The following FAF1 variants were observed in gnomAD, a reference collection of about 807,000 sequenced individuals.
FAF1 encodes Fas associated factor 1.
In FAF1, 25 loss-of-function variants were observed where a neutral mutation model predicts 92.5. That is an observed-to-expected ratio of 0.27 (90% CI 0.20 to 0.38). The LOEUF (loss-of-function observed/expected upper bound fraction) is 0.38, where lower values mean the gene tolerates loss of function less well. FAF1 is among the 10% of genes least tolerant of loss of function. The pLI is 1.00. For synonymous variants in FAF1, 234 were observed against 273.2 expected (o/e 0.86, Z 1.42); for missense variants, 636 against 793.3 (o/e 0.80, Z 2.38).
intron 1 of FAF1, among the ~76,000 whole-genome samples, chr1:50,952,822 C>G (rs1250896172): frequency 1.3e-5 from 2 of 152,026 alleles, no homozygotes; most frequent in African/African-American, 4.8e-5. Context: ...CGAGGAGCCC[C>G]TCCGCCCGGC....
At chr1:50,492,890 C>T (rs1387477356) in intron 15 of FAF1, among the ~76,000 whole-genome samples, 3 of 152,150 alleles carry the variant, frequency 2.0e-5, no homozygotes, top group Non-Finnish European at 4.4e-5. Context: ...AGGAACATTT[C>T]ATTGCTTCCT....
intron 1 of FAF1, among the ~76,000 whole-genome samples, chr1:50,951,819 C>A (rs1004425219): frequency 6.6e-6 from 1 of 152,182 alleles, no homozygotes; most frequent in Non-Finnish European, 1.5e-5. Context: ...CAAAAGATAT[C>A]TGTTTGGATC....
intron 7 of FAF1, among the ~76,000 whole-genome samples, chr1:50,671,662 G>T (rs1655886422): frequency 6.6e-6 from 1 of 151,864 alleles, no homozygotes; most frequent in Admixed American, 6.6e-5. Flanking sequence ...AGGTGTAATG[G>T]ATATTACAAT....
intron 8 of FAF1, chr1:50,607,038 A>G (rs1292084497): frequency 6.6e-6 from 1 of 152,226 alleles, no homozygotes; most frequent in African/African-American, 2.4e-5. Context: ...CTAAAAAGGT[A>G]TCTCTGTCTG....
chr1:50,545,939 G>A (rs1648994652), intron 13 of FAF1, among the ~76,000 whole-genome samples: 1 of 152,244 alleles, frequency 6.6e-6, no homozygotes, highest in Non-Finnish European at 1.5e-5. Flanking sequence ...AAGGTGGGGG[G>A]AGGAAATTGC....
chr1:50,664,128 G>C (rs1416364974), intron 7 of FAF1, among the ~76,000 whole-genome samples: 1 of 150,698 alleles, frequency 6.6e-6, no homozygotes, highest in Non-Finnish European at 1.5e-5. Context: ...CTCCCGAGAA[G>C]CTGGGATTAC....
intron 1 of FAF1, among the ~76,000 whole-genome samples, chr1:50,912,141 C>T (rs1011001401): frequency 5.9e-5 from 9 of 152,138 alleles, no homozygotes; most frequent in Admixed American, 5.9e-4. Context: ...AAAAATACCA[C>T]CAACTTCAAA....
intron 15 of FAF1, among the ~76,000 whole-genome samples, chr1:50,513,148 C>T (rs150401714): frequency 1.3e-5 from 2 of 152,258 alleles, no homozygotes; most frequent in African/African-American, 4.8e-5. Flanking sequence ...AAGGAAAAAT[C>T]AGCAATGACT....
chr1:50,800,686 T>C (rs376344207), intron 3 of FAF1, among the ~76,000 whole-genome samples: 1 of 152,216 alleles, frequency 6.6e-6, no homozygotes, highest in Admixed American at 6.5e-5. Flanking sequence ...CCTAAATATA[T>C]GGTTTCTTAT....
At chr1:50,952,976 A>G (rs1000571785) in intron 1 of FAF1, among the ~76,000 whole-genome samples, 3 of 152,264 alleles carry the variant, frequency 2.0e-5, no homozygotes, top group African/African-American at 4.8e-5. Context: ...GGGAAAAGAA[A>G]GAGAGATGGG....
intron 18 of FAF1, among the ~76,000 whole-genome samples, chr1:50,461,893 GAAA>G (rs1024580848): frequency 8.1e-6 from 1 of 123,522 alleles, no homozygotes; most frequent in Non-Finnish European, 1.7e-5. Flanking sequence ...AAAAAAAAAA[GAAA>G]AAAAAAAGAG....
intron 15 of FAF1, among the ~76,000 whole-genome samples, chr1:50,528,967 C>T (rs542367153): frequency 7.9e-5 from 12 of 152,182 alleles, no homozygotes; most frequent in South Asian, 4.2e-4. Context: ...TTTATTAATG[C>T]GCTATATAAT....
At position 50,664,183 on chromosome 1, in the gene FAF1, A is replaced by G. The variant is rs535401785; in HGVS notation, c.658-8655T>C. 2.7e-5 allele frequency among the ~76,000 whole-genome samples: 4 copies of G among 150,430 alleles called. No homozygotes were observed. In the South Asian group the frequency reaches 6.4e-4, roughly 24 times the overall value. ...CAGCTAATTTTTGTGTTTTTAGTAGAGACGAGGTTTCACCATGTTGGCCAG... is the reference window on the plus strand; with the variant it reads ...CAGCTAATTTTTGTGTTTTTAGTAGGGACGAGGTTTCACCATGTTGGCCAG... On this transcript the variant is annotated intron_variant, in intron 7 of 18. Transcript: ENST00000396153.
Position 50,457,056 on chromosome 1 carries a change from G to T in FAF1, c.1870-15533C>A, listed in dbSNP as rs539840393. ...CTCAGTTTTTTCATCTAGAAAATAG[G>T]TTTTTTTCCCCTAGTTTTCACAGTA... On this transcript the variant is annotated intron_variant, in intron 18 of 18. Coordinates refer to ENST00000396153, the MANE Select transcript of FAF1 (RefSeq NM_007051.3). Among the ~76,000 whole-genome samples, 13 of 151,582 alleles carry T rather than the reference G, an allele frequency of 8.6e-5. No homozygotes were observed. In the South Asian group the frequency reaches 1.0e-3, roughly 12 times the overall value.
chr1:50,557,939 G>T (rs1262067404), intron 13 of FAF1, among the ~76,000 whole-genome samples: 1 of 151,150 alleles, frequency 6.6e-6, no homozygotes, highest in Non-Finnish European at 1.5e-5. Flanking sequence ...TAGATACAGG[G>T]TCTTGCTCTG....
At chr1:50,918,145 A>G (rs1012042445) in intron 1 of FAF1, among the ~76,000 whole-genome samples, 1 of 151,794 alleles carries the variant, frequency 6.6e-6, no homozygotes, top group African/African-American at 2.4e-5. Flanking sequence ...GTCCACTTAC[A>G]AAGAGTACAT....
intron 1 of FAF1, among the ~76,000 whole-genome samples, chr1:50,933,361 C>T (rs1215300238): frequency 6.6e-6 from 1 of 152,164 alleles, no homozygotes; most frequent in Non-Finnish European, 1.5e-5. Context: ...AATCATCTCC[C>T]TCAAGTTCAA....
intron 1 of FAF1, among the ~76,000 whole-genome samples, chr1:50,957,760 A>G (rs1034241490): frequency 6.6e-6 from 1 of 152,216 alleles, no homozygotes; most frequent in Non-Finnish European, 1.5e-5. Flanking sequence ...TTAACAGTTA[A>G]GCATAATAAT....
intron 1 of FAF1, among the ~76,000 whole-genome samples, chr1:50,871,611 T>G (rs139449144): frequency 6.6e-6 from 1 of 152,304 alleles, no homozygotes; most frequent in East Asian, 1.9e-4. Flanking sequence ...CCATATGGGT[T>G]ACTCAATATT....
Sources: gnomAD v4.1 joint callset for allele counts (sites outside exome capture counted in the v4.1 genomes callset) on GRCh38, gnomAD v4.1.1 for gene constraint, MANE v1.5 for transcripts, NCBI Gene and HGNC (gene_info 2026-07-23, HGNC 2026-07-21) for gene names.